ZMAT5: variants seen among roughly 807,000 people sequenced by gnomAD.
The protein encoded by ZMAT5 is zinc finger matrin-type protein 5.
Under a neutral mutation model 28.0 loss-of-function variants are expected in ZMAT5, and 23 were observed. That is an observed-to-expected ratio of 0.82 (90% CI 0.59 to 1.16). The LOEUF (loss-of-function observed/expected upper bound fraction) is 1.16. Among genes scored for constraint, ZMAT5 ranks in the 50% most tolerant of loss-of-function variants. The pLI is 0.00. For missense variants in ZMAT5, 173 were observed against 212.7 expected, an observed-to-expected ratio of 0.81 and a Z score of 1.16; for synonymous variants, 76 against 84.1, an observed-to-expected ratio of 0.90 and a Z score of 0.52.
chr22:29,738,446 GGGGACA>G lies in ZMAT5; in HGVS notation c.272-11_272-6del. ...ACTCCCTGGCTCGCCTCTCCTCTGT[GGGGACA>G]GGGAGACAAAGGCAAGTGAGGGGTA... is the stretch of plus-strand genomic sequence containing the variant. On this transcript the variant is annotated splice_polypyrimidine_tract_variant and splice_region_variant and intron_variant, in intron 4 of 5. Coordinates refer to ENST00000344318, the MANE Select transcript of ZMAT5 (RefSeq NM_001003692.2). 2.5e-6 allele frequency: 4 copies of G among 1,608,602 alleles called. No individual in the cohort carries two copies. The highest frequency in any genetic ancestry group is 3.4e-6 in the Non-Finnish European group (4 of 1,179,078).
At chr22:29,735,115 G>C (rs1372400272) in intron 5 of ZMAT5, among the ~76,000 whole-genome samples, 1 of 152,172 alleles carries the variant, frequency 6.6e-6, no homozygotes, top group East Asian at 1.9e-4. Flanking sequence ...CCATTAAGCA[G>C]GGTAGGGGGT....
chr22:29,757,190 T>C (rs2068109958), intron 1 of ZMAT5, among the ~76,000 whole-genome samples: 1 of 131,714 alleles, frequency 7.6e-6, no homozygotes, highest in Non-Finnish European at 1.5e-5. Flanking sequence ...CACTCCAGCC[T>C]GGACAACAGG....
intron 1 of ZMAT5, among the ~76,000 whole-genome samples, chr22:29,755,154 G>A (rs550702553): frequency 1.3e-5 from 2 of 151,864 alleles, no homozygotes; most frequent in Non-Finnish European, 2.9e-5. Context: ...AATTAGCCAG[G>A]CGTGGTGGCA....
At chr22:29,765,376 G>A (rs1433344416) in intron 1 of ZMAT5, among the ~76,000 whole-genome samples, 1 of 151,616 alleles carries the variant, frequency 6.6e-6, no homozygotes, top group Non-Finnish European at 1.5e-5. Flanking sequence ...CCAAGATTGT[G>A]CCACTGCACT....
intron 5 of ZMAT5, among the ~76,000 whole-genome samples, chr22:29,733,421 G>T (rs936544478): frequency 1.2e-4 from 19 of 152,342 alleles, no homozygotes; most frequent in Admixed American, 7.2e-4. Flanking sequence ...CTCTGGACCA[G>T]ACCTGCCATG....
chr22:29,746,017 G>A (rs1407042544), intron 2 of ZMAT5: 1 of 152,212 alleles, frequency 6.6e-6, no homozygotes, highest in African/African-American at 2.4e-5. Flanking sequence ...CTGTTGCCGA[G>A]GCTGGAGTGC....
chr22:29,733,148 A>G (rs1195219864), intron 5 of ZMAT5, among the ~76,000 whole-genome samples: 2 of 152,204 alleles, frequency 1.3e-5, no homozygotes, highest in Non-Finnish European at 2.9e-5. Flanking sequence ...CCAGCCCCAC[A>G]TCGGCTGCAG....
chr22:29,754,917 G>A (rs1234469609), intron 1 of ZMAT5, among the ~76,000 whole-genome samples: 3 of 152,100 alleles, frequency 2.0e-5, no homozygotes, highest in Non-Finnish European at 4.4e-5. Flanking sequence ...GCTCAATAAC[G>A]GAGGCTGTTA....
chr22:29,759,530 AGGCC>A (rs1206682802), intron 1 of ZMAT5, among the ~76,000 whole-genome samples: 2 of 152,230 alleles, frequency 1.3e-5, no homozygotes, highest in African/African-American at 4.8e-5. Context: ...GCACTTTGGC[AGGCC>A]AAGGCAGATC....
At chr22:29,754,349 T>C (rs2068080733) in intron 1 of ZMAT5, among the ~76,000 whole-genome samples, 1 of 152,244 alleles carries the variant, frequency 6.6e-6, no homozygotes, top group African/African-American at 2.4e-5. Context: ...AGGCATCTGC[T>C]GGATCCCTGG....
chr22:29,761,896 GC>G (rs1472809854), intron 1 of ZMAT5, among the ~76,000 whole-genome samples: 1 of 152,050 alleles, frequency 6.6e-6, no homozygotes, highest in Non-Finnish European at 1.5e-5. Context: ...TTACTAAGGG[GC>G]CCCCCATATA....
intron 4 of ZMAT5, 89 bp downstream of exon 4, chr22:29,740,561 T>G: frequency 7.5e-7 from 1 of 1,340,478 alleles, no homozygotes. Context: ...GATGGGGAGA[T>G]AGGGAGGCAT....
chr22:29,740,552 A>G (rs1027018228), intron 4 of ZMAT5, 98 bp downstream of exon 4: 18 of 1,300,524 alleles, frequency 1.4e-5, no homozygotes, highest in Non-Finnish European at 1.9e-5. Flanking sequence ...GTTGCCAATG[A>G]TGGGGAGATA....
intron 1 of ZMAT5, among the ~76,000 whole-genome samples, chr22:29,764,800 G>A (rs2068191717): frequency 6.6e-6 from 1 of 152,022 alleles, no homozygotes; most frequent in African/African-American, 2.4e-5. Context: ...ACCGCGCCTG[G>A]CCCCTAGTTT....
intron 1 of ZMAT5, among the ~76,000 whole-genome samples, chr22:29,756,627 G>A (rs1176341476): frequency 6.6e-6 from 1 of 152,186 alleles, no homozygotes; most frequent in African/African-American, 2.4e-5. Flanking sequence ...TGCGAGTCCA[G>A]GCTGGGCACA....
At chr22:29,734,788 G>A (rs1026571098) in intron 5 of ZMAT5, among the ~76,000 whole-genome samples, 5 of 152,178 alleles carry the variant, frequency 3.3e-5, no homozygotes, top group South Asian at 2.1e-4. Context: ...GTGAGAAGGT[G>A]AGATCCGACT....
At chr22:29,742,660 T>C (rs373680023) in intron 2 of ZMAT5, among the ~76,000 whole-genome samples, 180 bp from the exon 3 acceptor site, 3 of 152,190 alleles carry the variant, frequency 2.0e-5, no homozygotes, top group Non-Finnish European at 4.4e-5. Context: ...CCTGGGCAGA[T>C]GGATCCGAGC....
intron 5 of ZMAT5, among the ~76,000 whole-genome samples, chr22:29,734,047 G>A (rs772379876): frequency 4.6e-5 from 7 of 152,244 alleles, no homozygotes; most frequent in South Asian, 4.1e-4. Flanking sequence ...AAACAGAGTC[G>A]AGGAGGAGGA....
chr22:29,742,173 C>T (rs191238064), intron 3 of ZMAT5, among the ~76,000 whole-genome samples: 8 of 152,308 alleles, frequency 5.3e-5, no homozygotes, highest in South Asian at 2.1e-4. Context: ...TAATCTCCCA[C>T]GCCTTGCTTG....
Sources: gnomAD v4.1 joint callset for allele counts (sites outside exome capture counted in the v4.1 genomes callset) on GRCh38, gnomAD v4.1.1 for gene constraint, MANE v1.5 for transcripts, NCBI Gene and HGNC (gene_info 2026-07-23, HGNC 2026-07-21) for gene names.